The following SESN3 variants were observed in gnomAD, a reference collection of about 807,000 sequenced individuals.
SESN3 encodes the protein sestrin-3.
A neutral mutation model predicts 55.3 loss-of-function variants in SESN3; 21 were observed. That is an observed-to-expected ratio of 0.38 (90% confidence interval 0.27 to 0.55). The LOEUF (loss-of-function observed/expected upper bound fraction) is 0.55. Among genes scored for constraint, SESN3 ranks in the 20% least tolerant of loss-of-function variants. The pLI, the probability that SESN3 is intolerant of heterozygous loss-of-function variation, is 0.76. For synonymous variants in SESN3, 181 were observed against 203.1 expected (o/e 0.89, Z 0.93); for missense variants, 408 against 604.3 (o/e 0.68, Z 3.41).
intron 1 of SESN3, among the ~76,000 whole-genome samples, chr11:95,207,395 T>C (rs1860570383): frequency 6.6e-6 from 1 of 151,426 alleles, no homozygotes; most frequent in Non-Finnish European, 1.5e-5. Context: ...CCTGAGTTAT[T>C]TTCCCTTCTT....
chr11:95,203,061 T>C (rs909500749), intron 1 of SESN3, among the ~76,000 whole-genome samples: 9 of 152,130 alleles, frequency 5.9e-5, no homozygotes, highest in Admixed American at 4.6e-4. Flanking sequence ...AACAAAAATA[T>C]GCTGTGAATG....
intron 4 of SESN3, 136 bp downstream of exon 4, chr11:95,189,638 CTTAAA>C (rs1276246923): frequency 1.3e-5 from 7 of 527,260 alleles, no homozygotes; most frequent in African/African-American, 8.0e-5. Flanking sequence ...TTCATTTGTG[CTTAAA>C]TTAAACTGAC....
intron 3 of SESN3, 75 bp downstream of exon 3, chr11:95,191,329 A>C: frequency 8.9e-7 from 1 of 1,117,918 alleles, no homozygotes; most frequent in Non-Finnish European, 1.4e-6. Context: ...ACACACAAGG[A>C]CACATGCCTA....
In SESN3 at chr11:95,167,475, C is replaced by CCCCATATATATATATATATATATATAT. The variant is rs563322416; in HGVS notation, c.*5779_*5780insATATATATATATATATATATATATGGG. On this transcript the variant is annotated 3_prime_UTR_variant, in exon 10 of 10. Transcript: ENST00000536441. The stretch of plus-strand genomic sequence containing the variant: ...TCAGATATTCATTCTGTTTCCCCCC[C>CCCCATATATATATATATATATATATAT]ATATATATAATTTTTCATTCTGTAC... The CCCCATATATATATATATATATATATAT allele has an allele frequency of 4.6e-5, 7 of 150,822 alleles. No individual in the cohort carries two copies. Among genetic ancestry groups the CCCCATATATATATATATATATATATAT allele is most frequent in the African/African-American group, 1.7e-4 (7 of 40,224 alleles). 9.3% of individuals were successfully genotyped at this position (150,822 alleles called of 1,614,324 possible). A position where few individuals can be genotyped will look rare whatever the true frequency, so the allele number is the denominator to read the frequency against.
intron 1 of SESN3, among the ~76,000 whole-genome samples, chr11:95,196,002 G>T (rs1051659258): frequency 2.0e-5 from 3 of 152,118 alleles, no homozygotes; most frequent in Non-Finnish European, 2.9e-5. Context: ...AGTGTTGAGG[G>T]TGATGTAGAC....
intron 6 of SESN3, 177 bp downstream of exon 6, chr11:95,184,243 A>C (rs1358010681): frequency 6.5e-6 from 4 of 614,646 alleles, no homozygotes; most frequent in Non-Finnish European, 1.1e-5. Flanking sequence ...TCTGAAATAC[A>C]TTCAAGGATG....
intron 1 of SESN3, among the ~76,000 whole-genome samples, chr11:95,195,910 C>T (rs950774710): frequency 3.3e-5 from 5 of 152,132 alleles, no homozygotes; most frequent in African/African-American, 9.7e-5. Flanking sequence ...CATTCAAAAA[C>T]GTGTTTGAAG....
In SESN3 at chr11:95,191,607, A is replaced by G; in HGVS notation, c.145-6T>C. The G allele has an allele frequency of 6.2e-7, 1 of 1,608,476 alleles. No individual in the cohort carries two copies. Among genetic ancestry groups the G allele is most frequent in the Non-Finnish European group, 8.5e-7 (1 of 1,177,100 alleles). On this transcript the variant is annotated splice_polypyrimidine_tract_variant and splice_region_variant and intron_variant, in intron 2 of 9. Transcript: ENST00000536441. Reference sequence around the variant, plus strand: ...ACTGTGTTTGCTTGGACAACCTTATAACCAAAAAAAACAAAACAAAATGAC... The same window carrying G: ...ACTGTGTTTGCTTGGACAACCTTATGACCAAAAAAAACAAAACAAAATGAC...
chr11:95,166,775 C>A lies in SESN3; in HGVS notation c.*6480G>T, dbSNP rs559552820. 6.6e-6 allele frequency: 1 copy of A among 152,242 alleles called. No individual in the cohort carries two copies. The highest frequency in any genetic ancestry group is 2.4e-5 in the African/African-American group (1 of 41,548). The allele number at this position is 152,242 out of a possible 1,614,324, so 9.4% of individuals were successfully genotyped here. ...TAGCACTGAGAAGATGCCAAACTGGCTGTGGTTTGCTTTCTATGTCTCTTA... is the reference window on the plus strand; with the variant it reads ...TAGCACTGAGAAGATGCCAAACTGGATGTGGTTTGCTTTCTATGTCTCTTA... On this transcript the variant is annotated 3_prime_UTR_variant, in exon 10 of 10. Coordinates refer to ENST00000536441, the MANE Select transcript of SESN3 (RefSeq NM_144665.4).
At position 95,185,357 on chromosome 11, in the gene SESN3, A is replaced by C. The variant is rs765347400; in HGVS notation, c.661T>G (p.Ser221Ala). 19 of 1,612,938 alleles carry C rather than the reference A, an allele frequency of 1.2e-5. No individual in the cohort carries two copies. In the African/African-American group the frequency reaches 2.5e-4, roughly 22 times the overall value. Residue 221 changes from serine to alanine, a missense_variant, in exon 5 of 10, where the codon TCC (serine) becomes GCC (alanine). Ser to Ala is a moderately conservative substitution (Grantham distance 99, BLOSUM62 1). Transcript: ENST00000536441. ...GINPERDPEI[S>A]NGFRLISVNN... ...ACTGATATTAGCCTGAATCCATTGG[A>C]GATTTCTGGATCTCTCTCTGGATTG... is the stretch of plus-strand genomic sequence containing the variant.
chr11:95,229,047 A>AT (rs950484744), intron 1 of SESN3, among the ~76,000 whole-genome samples: 6 of 152,184 alleles, frequency 3.9e-5, no homozygotes, highest in Admixed American at 2.6e-4. Context: ...CCATTAAAAA[A>AT]TTTTTTTATC....
chr11:95,232,409 T>C (rs1861089487), upstream of SESN3: 1 of 152,274 alleles, frequency 6.6e-6, no homozygotes, highest in South Asian at 2.1e-4. Flanking sequence ...TGCCCGGTCC[T>C]CACTCGTGTC....
Position 95,191,554 on chromosome 11 carries a change from T to C in SESN3, c.192A>G (p.Glu64=). The C allele has an allele frequency of 6.2e-7, 1 of 1,612,934 alleles. No individual in the cohort carries two copies. The highest frequency in any genetic ancestry group is 1.1e-5 in the South Asian group (1 of 91,062). The change falls in exon 3 of 10, where the codon GAA becomes GAG. Residue 64 remains glutamate (E), a synonymous_variant. Transcript: ENST00000536441. ...CCAGACGACCGGATGTAGAGTATTC[T>C]TCCACAAGAAAGTTAGTACGTTCAT... is the stretch of plus-strand genomic sequence containing the variant. The part of the protein sequence containing the change: ...TVDERTNFLV[E]EYSTSGRLDN...
intron 2 of SESN3, among the ~76,000 whole-genome samples, chr11:95,192,823 A>C (rs1860292644): frequency 6.6e-6 from 1 of 152,156 alleles, no homozygotes; most frequent in African/African-American, 2.4e-5. Context: ...AGTTAAAAAT[A>C]TAATGGGATC....
At chr11:95,223,301 T>G (rs1860892214) in intron 1 of SESN3, among the ~76,000 whole-genome samples, 1 of 152,182 alleles carries the variant, frequency 6.6e-6, no homozygotes, top group Non-Finnish European at 1.5e-5. Context: ...CTCTCTTTTC[T>G]TGTTCCTTCT....
rs903372618 is a variant in SESN3 at position 95,170,335 on chromosome 11, T to C, written c.*2920A>G. The C allele has an allele frequency of 6.6e-6, 1 of 152,120 alleles. No homozygotes were observed. Among genetic ancestry groups the C allele is most frequent in the Non-Finnish European group, 1.5e-5 (1 of 68,010 alleles). 9.4% of individuals were successfully genotyped at this position (152,120 alleles called of 1,614,324 possible). A position where few individuals can be genotyped will look rare whatever the true frequency, so the allele number is the denominator to read the frequency against. The stretch of plus-strand genomic sequence containing the variant: ...GGAAATCTTGAAATTCCAAAGTAAA[T>C]AGACATTATTCAAGCATACACATCA... On this transcript the variant is annotated 3_prime_UTR_variant, in exon 10 of 10. Transcript: ENST00000536441.
intron 6 of SESN3, among the ~76,000 whole-genome samples, chr11:95,182,609 T>C (rs1479057187): frequency 6.6e-6 from 1 of 152,202 alleles, no homozygotes; most frequent in Non-Finnish European, 1.5e-5. Flanking sequence ...AAGTGACTCA[T>C]GAACACTGAA....
At chr11:95,207,535 T>C (rs2134251233) in intron 1 of SESN3, among the ~76,000 whole-genome samples, 1 of 151,750 alleles carries the variant, frequency 6.6e-6, no homozygotes, top group African/African-American at 2.4e-5. Flanking sequence ...TGAAAGATTC[T>C]AAATGCTGGT....
chr11:95,200,055 G>T (rs897187163), intron 1 of SESN3, among the ~76,000 whole-genome samples: 1 of 151,998 alleles, frequency 6.6e-6, no homozygotes, highest in Non-Finnish European at 1.5e-5. Context: ...AGGTACGAAT[G>T]TAAGAAAGCC....
Sources: gnomAD v4.1 joint callset for allele counts (sites outside exome capture counted in the v4.1 genomes callset) on GRCh38, gnomAD v4.1.1 for gene constraint, MANE v1.5 for transcripts, NCBI Gene and HGNC (gene_info 2026-07-23, HGNC 2026-07-21) for gene names.